Variants in ROS1 observed in about 807,000 individuals in gnomAD.
The protein encoded by ROS1 is proto-oncogene tyrosine-protein kinase ROS.
ROS1 carries 263 observed loss-of-function variants against 273.5 expected under a neutral mutation model. The observed-to-expected ratio is 0.96, with a 90% CI of 0.87 to 1.06. The LOEUF (loss-of-function observed/expected upper bound fraction) is 1.06. Ranked by LOEUF, ROS1 falls within the 50% of genes least tolerant of loss-of-function variation. The pLI is 0.00. For synonymous variants in ROS1, 1,008 were observed against 954.1 expected, an observed-to-expected ratio of 1.06 and a Z score of -1.04; for missense variants, 2,833 against 2,751.1, an observed-to-expected ratio of 1.03 and a Z score of -0.67.
intron 32 of ROS1, among the ~76,000 whole-genome samples, chr6:117,334,338 A>G (rs143197493): frequency 4.6e-5 from 7 of 152,352 alleles, no homozygotes; most frequent in Middle Eastern, 3.4e-3. Flanking sequence ...GCTCAAGGAA[A>G]TAAGAAAGGA....
rs1396060666 is a variant in ROS1, at chr6:117,385,751, C to A, written c.2221G>T (p.Ala741Ser). ...TCAAAAGCTAAAGCCCCTGCTCCTG[C>A]AATGCTGGGTAGGTGATAATTCTCT... ...ISENYHLPSI[A>S]GAGALAFEWL... is the part of the protein sequence containing the mutation. The change falls in exon 16 of 44, where the codon GCA (alanine) becomes TCA (serine). Residue 741 changes from alanine to serine, a missense_variant. Transcript: ENST00000368507. 3.7e-6 allele frequency: 6 copies of A among 1,614,180 alleles called. No homozygotes were observed. Among genetic ancestry groups the A allele is most frequent in the Non-Finnish European group, 5.1e-6 (6 of 1,180,032 alleles).
In ROS1 at chr6:117,389,554, G is replaced by A; in HGVS notation, c.1582C>T (p.Gln528Ter). Reference sequence around the variant, plus strand: ...TCATTAAAAGACAAAGCATCCTGTTGGAAAATGACCTTGCCATCTGTGACA... The same window carrying A: ...TCATTAAAAGACAAAGCATCCTGTTAGAAAATGACCTTGCCATCTGTGACA... Reference protein sequence around the residue: ...FLVTDGKVIFQQDALSFNEFI... With the variant: ...FLVTDGKVIF Residue 528 changes from glutamine to a stop codon, truncating the protein, a stop_gained, in exon 13 of 44, where the codon CAA becomes TAA. Coordinates refer to ENST00000368507, the MANE Select transcript of ROS1 (RefSeq NM_001378902.1). LOFTEE classifies it high-confidence loss of function. 6.2e-7 allele frequency: 1 copy of A among 1,614,174 alleles called. No homozygotes were observed. Among genetic ancestry groups the A allele is most frequent in the Non-Finnish European group, 8.5e-7 (1 of 1,180,026 alleles).
At chr6:117,393,826 G>A (rs1238728271) in intron 11 of ROS1, among the ~76,000 whole-genome samples, 1 of 152,156 alleles carries the variant, frequency 6.6e-6, no homozygotes, top group Admixed American at 6.5e-5. Context: ...AATTTTAAAT[G>A]CTTGCAGCTA....
In ROS1 at chr6:117,383,430, C is replaced by A; in HGVS notation, c.2368G>T (p.Asp790Tyr). 1 of 1,613,964 alleles carries A rather than the reference C, an allele frequency of 6.2e-7. No homozygotes were observed. ...VKLLVNDMVV[D>Y]SVGGYLYWTT... The stretch of plus-strand genomic sequence containing the variant: ...CAGTAGAGATATCCACCAACTGAAT[C>A]CACCACCATGTCATTCACCAATAGC... Residue 790 changes from aspartate (D) to tyrosine (Y), a missense_variant, in exon 17 of 44, where the codon GAT (aspartate) becomes TAT (tyrosine). Physicochemically the swap from Asp to Tyr is radical, Grantham distance 160 (BLOSUM62 -3). Transcript: ENST00000368507.
chr6:117,383,082 A>G (rs951460598), intron 17 of ROS1, among the ~76,000 whole-genome samples: 5 of 152,176 alleles, frequency 3.3e-5, no homozygotes, highest in Middle Eastern at 3.2e-3. Context: ...AAATCTCCAT[A>G]GTGCATTTGA....
intron 18 of ROS1, among the ~76,000 whole-genome samples, chr6:117,370,321 A>T (rs1356801957): frequency 6.6e-6 from 1 of 152,116 alleles, no homozygotes; most frequent in Non-Finnish European, 1.5e-5. Context: ...AGAACCTAAT[A>T]CCAGAAATCT....
In ROS1 at chr6:117,383,507, A is replaced by G. The variant is rs1562342854; in HGVS notation, c.2291T>C (p.Ile764Thr). ...TCCCGTCAACACAGACTGCCTTTGT[A>G]TCTAAAAAACATAATTGTATGGCCA... ...FLYWAGKTYV[I>T]QRQSVLTGHT... Residue 764 changes from isoleucine to threonine, a missense_variant and splice_region_variant, in exon 17 of 44, where the codon ATA becomes ACA. Physicochemically the swap from Ile to Thr is moderately conservative, Grantham distance 89. Transcript: ENST00000368507. The G allele has an allele frequency of 6.2e-7, 1 of 1,612,788 alleles. No homozygotes were observed. Among genetic ancestry groups the G allele is most frequent in the East Asian group, 2.2e-5 (1 of 44,884 alleles).
In ROS1 at chr6:117,303,442, G is replaced by C. The variant is rs570917775; in HGVS notation, c.6552-2305C>G. Among the ~76,000 whole-genome samples the C allele has an allele frequency of 5.8e-4, 89 of 152,294 alleles. 1 individual carries two copies. In the Middle Eastern group the frequency reaches 0.01, roughly 17 times the overall value. ...TAAGAAAATAAGATACTACTCATGG[G>C]AATAGGGTGTGGATGGGAGTCAGGG... is the stretch of plus-strand genomic sequence containing the variant. On this transcript the variant is annotated intron_variant, in intron 42 of 43. Coordinates refer to ENST00000368507, the MANE Select transcript of ROS1 (RefSeq NM_001378902.1).
rs1195270053 is a variant in ROS1, at chr6:117,288,758, G to A, written c.6760C>T (p.Pro2254Ser). The A allele has an allele frequency of 6.2e-7, 1 of 1,611,214 alleles. No individual in the cohort carries two copies. Among genetic ancestry groups the A allele is most frequent in the Non-Finnish European group, 8.5e-7 (1 of 1,178,806 alleles). The stretch of plus-strand genomic sequence containing the variant: ...TTCTTCGTTTCCATTAAAGCAACTG[G>A]CATAATGTCATCTGAATTCAAACAA... ...VICLNSDDIM[P>S]VALMETKNRE... Residue 2254 changes from proline (P) to serine (S), a missense_variant, in exon 44 of 44, where the codon CCA (proline) becomes TCA (serine). By Grantham distance (74) the Pro-to-Ser change is moderately conservative. Coordinates refer to ENST00000368507, the MANE Select transcript of ROS1 (RefSeq NM_001378902.1).
In ROS1 at chr6:117,326,320, T is replaced by G. The variant is rs571578275; in HGVS notation, c.5443A>C (p.Asn1815His). The G allele has an allele frequency of 1.2e-6, 2 of 1,603,920 alleles. No individual in the cohort carries two copies. The highest frequency in any genetic ancestry group is 2.2e-5 in the South Asian group (2 of 89,202). Residue 1815 changes from asparagine (N) to histidine (H), a missense_variant, in exon 34 of 44, where the codon AAC becomes CAC. Asn to His is a moderately conservative substitution (Grantham distance 68). Transcript: ENST00000368507. ...CSSVCTWKSK[N>H]LKGIFQFRVV... ...CTGAACTGAAATATTCCTTTCAGGT[T>G]TTTGGACTTCCATGTGCAAACACTA...
intron 31 of ROS1, among the ~76,000 whole-genome samples, chr6:117,338,232 A>C (rs975689510): frequency 2.0e-5 from 3 of 152,106 alleles, no homozygotes; most frequent in African/African-American, 7.2e-5. Context: ...TTTTTCACTT[A>C]ACACTCATGA....
rs897773765 is a variant in ROS1, at chr6:117,317,264, T to C, written c.5996A>G (p.Asn1999Ser). The stretch of plus-strand genomic sequence containing the variant: ...AAGCTGCTTCAGAATGTTGGGATGA[T>C]TAAATTTGCTGAAAGGTGGAAAGAC... ...LKEAHLMSKF[N>S]HPNILKQLGV... is the part of the protein sequence containing the mutation. Residue 1999 changes from asparagine (N) to serine (S), a missense_variant, in exon 39 of 44, where the codon AAT becomes AGT. Physicochemically the swap from Asn to Ser is conservative, Grantham distance 46. Transcript: ENST00000368507. The C allele has an allele frequency of 1.2e-6, 2 of 1,610,940 alleles. No individual in the cohort carries two copies. The highest frequency in any genetic ancestry group is 2.2e-5 in the East Asian group (1 of 44,842).
intron 32 of ROS1, among the ~76,000 whole-genome samples, chr6:117,336,229 C>T (rs1227425532): frequency 6.6e-6 from 1 of 151,974 alleles, no homozygotes; most frequent in Non-Finnish European, 1.5e-5. Context: ...CATGGGTAAA[C>T]ATGTCCCATG....
intron 5 of ROS1, among the ~76,000 whole-genome samples, chr6:117,408,960 G>A (rs9766531): frequency 0.58 from 87,088 of 150,956 alleles, 26,686 homozygotes; most frequent in African/African-American, 0.8. Context: ...AAACTATCGC[G>A]AGGACAAAAA....
At chr6:117,300,113 TGTATTTTTTTTGTATTTTTAGTAGAGA>T (rs1317632858) in intron 43 of ROS1, among the ~76,000 whole-genome samples, 12 of 125,888 alleles carry the variant, frequency 9.5e-5, no homozygotes, top group African/African-American at 3.1e-4. Flanking sequence ...TTTTTTTTTT[TGTATTTTTTTTGTATTTTTAGTAGAGA>T]TGGGGTTTCA....
intron 33 of ROS1, 78 bp downstream of exon 33, chr6:117,329,247 CATAA>C (rs910085050): frequency 1.0e-5 from 7 of 701,948 alleles, no homozygotes; most frequent in Non-Finnish European, 1.5e-5. Context: ...AATACATTTG[CATAA>C]ATAGTGTTAC....
intron 12 of ROS1, 72 bp from the exon 13 acceptor site, chr6:117,389,918 C>CAACAGAATGAAGCAA: frequency 7.4e-7 from 1 of 1,352,128 alleles, no homozygotes; most frequent in Non-Finnish European, 1.0e-6. Flanking sequence ...CAGCTAATTG[C>CAACAGAATGAAGCAA]TTCATTCTGT....
rs917125712 is a variant in ROS1 at position 117,315,676 on chromosome 6, G to A, written c.6117+1467C>T. On this transcript the variant is annotated intron_variant, in intron 39 of 43. Coordinates refer to ENST00000368507, the MANE Select transcript of ROS1 (RefSeq NM_001378902.1). ...AATTAAAAAAAAGCAGATTTTTGCT[G>A]CACATGCATACTTTCTCTTCTAAAA... is the stretch of plus-strand genomic sequence containing the variant. 2.0e-5 allele frequency among the ~76,000 whole-genome samples: 3 copies of A among 152,232 alleles called. No individual in the cohort carries two copies. In the East Asian group the frequency reaches 5.8e-4, roughly 29 times the overall value.
chr6:117,301,468 T>C (rs540681456), intron 42 of ROS1: 2 of 190,998 alleles, frequency 1.0e-5, no homozygotes, highest in African/African-American at 4.7e-5. Context: ...TGATCTGGCT[T>C]CAACATCTAC....
Sources: gnomAD v4.1 joint callset for allele counts (sites outside exome capture counted in the v4.1 genomes callset) on GRCh38, gnomAD v4.1.1 for gene constraint, MANE v1.5 for transcripts, NCBI Gene and HGNC (gene_info 2026-07-23, HGNC 2026-07-21) for gene names.